DNM1L: variants seen among roughly 807,000 people sequenced by gnomAD.
The protein encoded by DNM1L is dynamin 1L, also known as dynamin-1-like protein.
A neutral mutation model predicts 92.8 loss-of-function variants in DNM1L; 33 were observed. That is an observed-to-expected ratio of 0.36 (90% CI 0.27 to 0.48). DNM1L has a LOEUF of 0.48. DNM1L is among the 20% of genes least tolerant of loss of function. DNM1L has a pLI of 0.99. For synonymous variants in DNM1L, 284 were observed against 305.0 expected, an observed-to-expected ratio of 0.93 and a Z score of 0.72; for missense variants, 485 against 888.8, an observed-to-expected ratio of 0.55 and a Z score of 5.78.
chr12:32,742,386 G>A (rs1339684275), intron 18 of DNM1L, among the ~76,000 whole-genome samples: 1 of 152,240 alleles, frequency 6.6e-6, no homozygotes, highest in Admixed American at 6.5e-5. Flanking sequence ...TTACAGGCAT[G>A]AGCCACTGCG....
chr12:32,690,769 A>T (rs1382787130), intron 1 of DNM1L, among the ~76,000 whole-genome samples: 1 of 152,210 alleles, frequency 6.6e-6, no homozygotes, highest in Non-Finnish European at 1.5e-5. Context: ...AATGTTAGCC[A>T]TTACTACTGA....
chr12:32,685,683 C>A (rs1441950880), intron 1 of DNM1L, among the ~76,000 whole-genome samples: 1 of 152,100 alleles, frequency 6.6e-6, no homozygotes, highest in African/African-American at 2.4e-5. Flanking sequence ...CATTTCACAT[C>A]CCCTCCAGGG....
intron 1 of DNM1L, among the ~76,000 whole-genome samples, chr12:32,687,078 G>C (rs1416533805): frequency 6.6e-6 from 1 of 151,648 alleles, no homozygotes; most frequent in African/African-American, 2.4e-5. Context: ...ACCACACCCG[G>C]CCTTGTCTTT....
intron 1 of DNM1L, among the ~76,000 whole-genome samples, chr12:32,686,238 G>A (rs1952008803): frequency 6.6e-6 from 1 of 151,594 alleles, no homozygotes; most frequent in Non-Finnish European, 1.5e-5. Flanking sequence ...GTAGAGACAG[G>A]GTTTCTCCAT....
At chr12:32,709,658 A>G (rs1457214412) in intron 4 of DNM1L, 1 of 152,212 alleles carries the variant, frequency 6.6e-6, no homozygotes, top group East Asian at 1.9e-4. Flanking sequence ...TTTATGTCAA[A>G]ATATGTAAAT....
intron 12 of DNM1L, chr12:32,732,542 T>C (rs773428956): frequency 1.3e-4 from 58 of 455,900 alleles, no homozygotes; most frequent in Non-Finnish European, 3.5e-5. Flanking sequence ...TAAAAGTGCA[T>C]TTGGGTCCTT....
At chr12:32,734,014 T>C (rs535853670) in intron 13 of DNM1L, among the ~76,000 whole-genome samples, 3 of 152,340 alleles carry the variant, frequency 2.0e-5, no homozygotes, top group Admixed American at 1.3e-4. Context: ...GCTTATGAAA[T>C]TGAAATTCAG....
chr12:32,738,037 T>G, intron 15 of DNM1L, 95 bp downstream of exon 15: 1 of 1,361,504 alleles, frequency 7.3e-7, no homozygotes, highest in African/African-American at 1.4e-5. Flanking sequence ...AATATTAATA[T>G]GGGATACTGT....
At position 32,731,607 on chromosome 12, in the gene DNM1L, A is replaced by G; in HGVS notation, c.1356+96A>G. ...GAAGGAAATGTATAAGATGGGATACAAGGTAAAATCTGTAGTTCCCTTACC... is the reference window on the plus strand; with the variant it reads ...GAAGGAAATGTATAAGATGGGATACGAGGTAAAATCTGTAGTTCCCTTACC... On this transcript the variant is annotated intron_variant, in intron 11 of 19. Transcript: ENST00000549701. This position sits in a 1 kb window ranked among gnomAD's most constrained non-coding sequence, Gnocchi z 5.1. 6.7e-7 allele frequency: 1 copy of G among 1,500,882 alleles called. No individual in the cohort carries two copies. The highest frequency in any genetic ancestry group is 9.1e-7 in the Non-Finnish European group (1 of 1,094,694). 93.0% of individuals were successfully genotyped at this position (1,500,882 alleles called of 1,614,324 possible). A position where few individuals can be genotyped will look rare whatever the true frequency, so the allele number is the denominator to read the frequency against.
chr12:32,721,740 C>T (rs1193821417), intron 8 of DNM1L, among the ~76,000 whole-genome samples: 2 of 152,080 alleles, frequency 1.3e-5, no homozygotes, highest in African/African-American at 4.8e-5. Flanking sequence ...CACAAGACTG[C>T]CCCCAAGTCA....
At chr12:32,700,597 T>C (rs2137297672) in intron 1 of DNM1L, among the ~76,000 whole-genome samples, 1 of 151,948 alleles carries the variant, frequency 6.6e-6, no homozygotes, top group East Asian at 2.0e-4. Flanking sequence ...ATACAAAAAT[T>C]AGCCAGGTAT....
At chr12:32,726,530 C>T in intron 9 of DNM1L, 1 of 1,091,460 alleles carries the variant, frequency 9.2e-7, no homozygotes, top group South Asian at 1.3e-5. Flanking sequence ...CTCCAGTAAA[C>T]TATAACACTG....
chr12:32,704,196 T>A (rs867478703), intron 2 of DNM1L, among the ~76,000 whole-genome samples: 3 of 151,992 alleles, frequency 2.0e-5, no homozygotes, highest in East Asian at 1.9e-4. Context: ...GAAAAAAAAA[T>A]TTATTTTGGG....
intron 6 of DNM1L, among the ~76,000 whole-genome samples, chr12:32,717,294 T>G (rs1417351064): frequency 1.1e-5 from 1 of 90,982 alleles, no homozygotes; most frequent in Non-Finnish European, 2.0e-5. Flanking sequence ...ACACTATATA[T>G]TTTATATATA....
At chr12:32,719,196 C>T (rs1247899933) in intron 7 of DNM1L, among the ~76,000 whole-genome samples, 1 of 152,118 alleles carries the variant, frequency 6.6e-6, no homozygotes, top group African/African-American at 2.4e-5. Context: ...AGCAATCCTC[C>T]AACCTTGGTT....
intron 6 of DNM1L, 92 bp from the exon 7 acceptor site, chr12:32,718,551 A>G: frequency 1.3e-6 from 2 of 1,527,788 alleles, no homozygotes; most frequent in African/African-American, 1.4e-5. Flanking sequence ...GGGATTGTAG[A>G]TGAGGGTTTT....
intron 9 of DNM1L, among the ~76,000 whole-genome samples, chr12:32,724,588 A>AT (rs1565526229): frequency 3.4e-3 from 230 of 67,858 alleles, no homozygotes; most frequent in Middle Eastern, 8.5e-3. Flanking sequence ...AAAAAAAAAA[A>AT]AAAAAATATA....
intron 12 of DNM1L, among the ~76,000 whole-genome samples, chr12:32,733,079 A>C (rs1954661165): frequency 6.6e-6 from 1 of 152,208 alleles, no homozygotes; most frequent in African/African-American, 2.4e-5. Context: ...CAGCCTGGGC[A>C]ATGAGAGCGA....
At chr12:32,742,215 G>A (rs1014373070) in intron 18 of DNM1L, among the ~76,000 whole-genome samples, 5 of 151,768 alleles carry the variant, frequency 3.3e-5, no homozygotes, top group African/African-American at 9.7e-5. Context: ...AGTGATTCTC[G>A]TATCTCAGCC....
Sources: gnomAD v4.1 joint callset for allele counts (sites outside exome capture counted in the v4.1 genomes callset) on GRCh38, gnomAD v4.1.1 for gene constraint, Gnocchi (gnomAD v3.1) non-coding constraint, MANE v1.5 for transcripts, NCBI Gene and HGNC (gene_info 2026-07-23, HGNC 2026-07-21) for gene names.